The following ABL2 variants were observed in gnomAD, a reference collection of about 807,000 sequenced individuals.
ABL2 encodes the protein ABL proto-oncogene 2, non-receptor tyrosine kinase.
In ABL2, 49 loss-of-function variants were observed where a neutral mutation model predicts 107.7. The observed-to-expected ratio is 0.45, with a 90% CI of 0.36 to 0.58. The LOEUF (loss-of-function observed/expected upper bound fraction) is 0.58, where lower values mean the gene tolerates loss of function less well. Ranked by LOEUF, ABL2 falls within the 20% of genes least tolerant of loss-of-function variation. ABL2 has a pLI of 0.00. For synonymous variants in ABL2, 549 were observed against 548.6 expected (o/e 1.00, Z -0.01); for missense variants, 1,245 against 1,457.0 (o/e 0.85, Z 2.37).
chr1:179,156,503 T>C (rs963004515), intron 1 of ABL2, among the ~76,000 whole-genome samples: 4 of 152,218 alleles, frequency 2.6e-5, no homozygotes, highest in South Asian at 2.1e-4. Flanking sequence ...CTGAACATCA[T>C]TTTTCTCCAG....
chr1:179,104,333 C>G lies in ABL2; in HGVS notation c.*3385G>C, dbSNP rs890336032. 10 of 226,360 alleles carry G rather than the reference C, an allele frequency of 4.4e-5. No individual in the cohort carries two copies. Among genetic ancestry groups the G allele is most frequent in the African/African-American group, 2.0e-4 (9 of 44,996 alleles). The allele number at this position is 226,360 out of a possible 1,614,324, so 14.0% of individuals were successfully genotyped here. A position where few individuals can be genotyped will look rare whatever the true frequency, so the allele number is the denominator to read the frequency against. On this transcript the variant is annotated 3_prime_UTR_variant, in exon 12 of 12. Coordinates refer to ENST00000502732, the MANE Select transcript of ABL2 (RefSeq NM_007314.4). ...CACTAAACCACTATCTATACTGCATCCTTTAAACTCAAAATCTCCATGACT... is the reference window on the plus strand; with the variant it reads ...CACTAAACCACTATCTATACTGCATGCTTTAAACTCAAAATCTCCATGACT...
intron 1 of ABL2, among the ~76,000 whole-genome samples, chr1:179,148,994 C>A (rs1360112141): frequency 6.6e-6 from 1 of 150,448 alleles, no homozygotes; most frequent in Non-Finnish European, 1.5e-5. Context: ...ATGTCTCTAA[C>A]TTTAAACCAA....
intron 1 of ABL2, among the ~76,000 whole-genome samples, chr1:179,202,879 C>A (rs1305304154): frequency 1.3e-5 from 2 of 152,126 alleles, no homozygotes; most frequent in Admixed American, 6.5e-5. Flanking sequence ...CAAAAACCAA[C>A]CACCAAAAAC....
At chr1:179,112,471 G>A in intron 9 of ABL2, 73 bp from the exon 10 acceptor site, 2 of 1,169,092 alleles carry the variant, frequency 1.7e-6, no homozygotes, top group South Asian at 1.3e-5. Context: ...CTAATAATGA[G>A]TTCTATGCAT....
At position 179,121,915 on chromosome 1, in the gene ABL2, ATTTTTTTT is replaced by A. The variant is rs71108094; in HGVS notation, c.688-56_688-49del. The A allele has an allele frequency of 3.8e-3, 2,599 of 691,378 alleles. 1 individual carries two copies. Among genetic ancestry groups the A allele is most frequent in the Middle Eastern group, 7.5e-3 (15 of 1,994 alleles). 42.8% of individuals were successfully genotyped at this position (691,378 alleles called of 1,614,324 possible). ...TAAACAACTTGAAAAGAGATTAAGA[ATTTTTTTT>A]TTTTTTTTTTTTTTTTTTTTGAGAT... On this transcript the variant is annotated intron_variant, in intron 4 of 11. Coordinates refer to ENST00000502732, the MANE Select transcript of ABL2 (RefSeq NM_007314.4).
At chr1:179,226,354 C>T (rs1234980692) in intron 1 of ABL2, among the ~76,000 whole-genome samples, 6 of 146,942 alleles carry the variant, frequency 4.1e-5, no homozygotes, top group Non-Finnish European at 7.5e-5. Flanking sequence ...CGCTCTGTCA[C>T]CCAGGCTGGA....
chr1:179,129,726 T>A (rs1656098351), intron 3 of ABL2, among the ~76,000 whole-genome samples: 2 of 151,798 alleles, frequency 1.3e-5, no homozygotes. Context: ...TGTTCTATCC[T>A]CAAATTTTAC....
intron 1 of ABL2, among the ~76,000 whole-genome samples, chr1:179,165,384 T>C (rs1285039687): frequency 1.3e-5 from 2 of 151,806 alleles, no homozygotes; most frequent in Admixed American, 1.3e-4. Context: ...GCATTCCAGG[T>C]AGAGGGTGAC....
intron 5 of ABL2, among the ~76,000 whole-genome samples, chr1:179,120,728 A>G (rs1347989751): frequency 6.6e-6 from 1 of 152,216 alleles, no homozygotes; most frequent in Non-Finnish European, 1.5e-5. Flanking sequence ...TGAAATAATT[A>G]TTATTTTAAG....
intron 1 of ABL2, among the ~76,000 whole-genome samples, chr1:179,188,151 G>C (rs1660780745): frequency 6.6e-6 from 1 of 152,084 alleles, no homozygotes; most frequent in Non-Finnish European, 1.5e-5. Flanking sequence ...TCCTCTTCCT[G>C]AAATGTTTTT....
intron 1 of ABL2, among the ~76,000 whole-genome samples, chr1:179,183,486 T>C (rs1334646463): frequency 6.6e-6 from 1 of 152,120 alleles, no homozygotes; most frequent in Admixed American, 6.6e-5. Flanking sequence ...AAAGAGTGCA[T>C]CTTTCTATGT....
Position 179,121,915 on chromosome 1 carries a change from A to ATTTT in ABL2, c.688-52_688-49dup, listed in dbSNP as rs71108094. On this transcript the variant is annotated intron_variant, in intron 4 of 11. Coordinates refer to ENST00000502732, the MANE Select transcript of ABL2 (RefSeq NM_007314.4). The stretch of plus-strand genomic sequence containing the variant: ...TAAACAACTTGAAAAGAGATTAAGA[A>ATTTT]TTTTTTTTTTTTTTTTTTTTTTTTT... 78 of 694,284 alleles carry ATTTT rather than the reference A, an allele frequency of 1.1e-4. No homozygotes were observed. The African/African-American group carries it at 1.9e-3, about 17-fold the overall frequency. 43.0% of individuals were successfully genotyped at this position (694,284 alleles called of 1,614,324 possible). A position where few individuals can be genotyped will look rare whatever the true frequency, so the allele number is the denominator to read the frequency against.
Position 179,107,513 on chromosome 1 carries a change from T to C in ABL2, c.*205A>G. 3 of 1,031,910 alleles carry C rather than the reference T, an allele frequency of 2.9e-6. No individual in the cohort carries two copies. The South Asian group carries it at 5.6e-5, about 19-fold the overall frequency. 63.9% of individuals were successfully genotyped at this position (1,031,910 alleles called of 1,614,324 possible). A position where few individuals can be genotyped will look rare whatever the true frequency, so the allele number is the denominator to read the frequency against. On this transcript the variant is annotated 3_prime_UTR_variant, in exon 12 of 12. Transcript: ENST00000502732. ...CTGTCCACTACTGCCTTGCCCCCAC[T>C]TAATTTACCTCTCCTATACTTATGT...
chr1:179,122,436 A>C (rs1484941276), intron 4 of ABL2, among the ~76,000 whole-genome samples: 5 of 151,950 alleles, frequency 3.3e-5, no homozygotes, highest in Admixed American at 3.3e-4. Flanking sequence ...ATCTTAATTG[A>C]GGTAAATAAA....
intron 1 of ABL2, among the ~76,000 whole-genome samples, chr1:179,199,461 AAC>A (rs1269269989): frequency 5.3e-5 from 8 of 151,838 alleles, no homozygotes; most frequent in African/African-American, 1.9e-4. Context: ...ACAGAAGAGA[AAC>A]ACAAACTTTA....
At position 179,148,039 on chromosome 1, in the gene ABL2, C is replaced by CTTTTT. The variant is rs1393464807; in HGVS notation, c.158-14670_158-14666dup. Among the ~76,000 whole-genome samples the CTTTTT allele has an allele frequency of 1.6e-4, 21 of 131,036 alleles. 1 individual carries two copies. Among genetic ancestry groups the CTTTTT allele is most frequent in the Admixed American group, 3.2e-4 (4 of 12,568 alleles). The allele number at this position is 131,036 out of a possible 152,430, so 86.0% of individuals were successfully genotyped here. A position where few individuals can be genotyped will look rare whatever the true frequency, so the allele number is the denominator to read the frequency against. ...AGTCTATCAGCACCACTTTTCTTTTCTTTTTTTTTTTTTTTTTGAGACAAA... is the reference window on the plus strand; with the variant it reads ...AGTCTATCAGCACCACTTTTCTTTTCTTTTTTTTTTTTTTTTTTTTTTGAGACAAA... On this transcript the variant is annotated intron_variant, in intron 1 of 11. Transcript: ENST00000502732.
Position 179,229,170 on chromosome 1 carries a change from G to GGCCCCCCCCCCCC in ABL2, c.157+70_157+71insGGGGGGGGGGGGC. 30 of 266,254 alleles carry GGCCCCCCCCCCCC rather than the reference G, an allele frequency of 1.1e-4. 1 individual carries two copies. Among genetic ancestry groups the GGCCCCCCCCCCCC allele is most frequent in the East Asian group, 3.7e-4 (4 of 10,680 alleles). 16.5% of individuals were successfully genotyped at this position (266,254 alleles called of 1,614,324 possible). A position where few individuals can be genotyped will look rare whatever the true frequency, so the allele number is the denominator to read the frequency against. On this transcript the variant is annotated intron_variant, in intron 1 of 11. Coordinates refer to ENST00000502732, the MANE Select transcript of ABL2 (RefSeq NM_007314.4). ...CTCCGACCCCTCGGGCAGCCCGTCCGCCACCCACCCCGCCCCGACCCCACC... is the reference window on the plus strand; with the variant it reads ...CTCCGACCCCTCGGGCAGCCCGTCCGGCCCCCCCCCCCCCCACCCACCCCGCCCCGACCCCACC...
chr1:179,172,341 C>T (rs1350818753), intron 1 of ABL2, among the ~76,000 whole-genome samples: 5 of 152,144 alleles, frequency 3.3e-5, no homozygotes, highest in African/African-American at 9.7e-5. Context: ...TATACACATA[C>T]GCAAATGTGT....
chr1:179,204,662 G>A (rs557804012), intron 1 of ABL2, among the ~76,000 whole-genome samples: 6 of 152,078 alleles, frequency 3.9e-5, no homozygotes, highest in African/African-American at 1.2e-4. Context: ...CATGAGAATC[G>A]CTTGAACCTG....
Sources: allele counts gnomAD v4.1 joint callset (sites outside exome capture counted in the v4.1 genomes callset), GRCh38; gene constraint gnomAD v4.1.1; transcripts MANE v1.5; gene names NCBI Gene and HGNC (gene_info 2026-07-23, HGNC 2026-07-21).